The following KIF17 variants were observed in gnomAD, a reference collection of about 807,000 sequenced individuals.
KIF17 encodes kinesin-like protein KIF17.
In KIF17, 80 loss-of-function variants were observed where a neutral mutation model predicts 96.8. The observed-to-expected ratio is 0.83, with a 90% CI of 0.69 to 1.00. The LOEUF (loss-of-function observed/expected upper bound fraction) is 1.00, where lower values mean the gene tolerates loss of function less well. Among genes scored for constraint, KIF17 ranks in the 50% least tolerant of loss-of-function variants. The pLI, the probability that KIF17 is intolerant of heterozygous loss-of-function variation, is 0.00. For synonymous variants in KIF17, 567 were observed against 587.5 expected (o/e 0.97, Z 0.51); for missense variants, 1,280 against 1,372.9 (o/e 0.93, Z 1.07).
At chr1:20,684,414 C>T (rs1480455055) in intron 10 of KIF17, among the ~76,000 whole-genome samples, 6 of 152,244 alleles carry the variant, frequency 3.9e-5, no homozygotes, top group Admixed American at 2.0e-4. Context: ...CAAAGCCACA[C>T]GGCAAGTGAG....
intron 6 of KIF17, among the ~76,000 whole-genome samples, chr1:20,690,747 C>T (rs899749177): frequency 5.3e-5 from 8 of 151,232 alleles, no homozygotes; most frequent in African/African-American, 1.2e-4. Context: ...AGTGCAGTGG[C>T]GCCATCTCGG....
chr1:20,687,832 G>C lies in KIF17; in HGVS notation c.1494C>G (p.Pro498=). The C allele has an allele frequency of 2.5e-6, 4 of 1,614,134 alleles. No individual in the cohort carries two copies. The highest frequency in any genetic ancestry group is 3.4e-6 in the Non-Finnish European group (4 of 1,180,024). The change falls in exon 8 of 15, where the codon CCC becomes CCG. Residue 498 remains proline (P), a synonymous_variant. Coordinates refer to ENST00000400463, the MANE Select transcript of KIF17 (RefSeq NM_001122819.3). The surrounding 1 kb of genome is among the most constrained non-coding windows in gnomAD (Gnocchi z 4.4). The part of the protein sequence containing the change: ...PAFQYETVVK[P]KVFSTTDTLP... ...GAGTGTCAGTCGTGGAGAAGACCTT[G>C]GGTTTCACCACTGTCTCATACTGAA...
intron 3 of KIF17, among the ~76,000 whole-genome samples, chr1:20,712,456 G>A (rs1024880107): frequency 2.1e-5 from 3 of 144,808 alleles, no homozygotes; most frequent in East Asian, 3.9e-4. Context: ...CCCAGCTACC[G>A]GGGGCGCTGA....
intron 1 of KIF17, among the ~76,000 whole-genome samples, chr1:20,716,579 T>G (rs1488530241): frequency 6.6e-6 from 1 of 152,092 alleles, no homozygotes; most frequent in East Asian, 1.9e-4. Flanking sequence ...GGAGTGGGGC[T>G]CGTACTTTGC....
chr1:20,703,953 A>G (rs1410930341), intron 5 of KIF17, among the ~76,000 whole-genome samples: 1 of 150,978 alleles, frequency 6.6e-6, no homozygotes, highest in Admixed American at 6.6e-5. Context: ...AGAGTCCTTC[A>G]GTTCCAAAGC....
rs956010320 is a variant in KIF17 at position 20,707,964 on chromosome 1, G to C, written c.670+1675C>G. On this transcript the variant is annotated intron_variant, in intron 4 of 14. Transcript: ENST00000400463. Reference sequence around the variant, plus strand: ...AAATGTTAGTGGTATTTAGGTGTCAGAACTATGAGTAACTGTTCCCTACCA... The same window carrying C: ...AAATGTTAGTGGTATTTAGGTGTCACAACTATGAGTAACTGTTCCCTACCA... Among the ~76,000 whole-genome samples the C allele has an allele frequency of 2.6e-5, 4 of 151,608 alleles. No homozygotes were observed. The South Asian group carries it at 8.3e-4, about 32-fold the overall frequency.
chr1:20,712,890 G>T (rs1418318266), intron 3 of KIF17, among the ~76,000 whole-genome samples: 36 of 82,568 alleles, frequency 4.4e-4, no homozygotes, highest in Non-Finnish European at 5.8e-4. Context: ...ATATAATATA[G>T]ATAATATTAT....
At chr1:20,683,981 G>A (rs1046729590) in intron 10 of KIF17, among the ~76,000 whole-genome samples, 8 of 152,262 alleles carry the variant, frequency 5.3e-5, no homozygotes, top group Non-Finnish European at 7.3e-5. Flanking sequence ...TGTTTACTGC[G>A]TGCCCAGCGC....
intron 3 of KIF17, among the ~76,000 whole-genome samples, chr1:20,711,054 T>C (rs1245534216): frequency 6.6e-6 from 1 of 152,132 alleles, no homozygotes; most frequent in African/African-American, 2.4e-5. Flanking sequence ...GAGGGCACCT[T>C]GTTCTGTGAC....
intron 10 of KIF17, among the ~76,000 whole-genome samples, chr1:20,684,331 C>A (rs581635): frequency 6.6e-6 from 1 of 152,078 alleles, no homozygotes; most frequent in Admixed American, 6.5e-5. Flanking sequence ...TGGATGACCA[C>A]GACATGGAGG....
chr1:20,663,440 C>A (rs1217627882), downstream of KIF17, among the ~76,000 whole-genome samples: 1 of 152,176 alleles, frequency 6.6e-6, no homozygotes, highest in Non-Finnish European at 1.5e-5. Flanking sequence ...ACACAGAGCA[C>A]CTGCTATGCC....
chr1:20,680,956 T>A (rs1380270741), intron 11 of KIF17, among the ~76,000 whole-genome samples: 1 of 151,540 alleles, frequency 6.6e-6, no homozygotes, highest in African/African-American at 2.4e-5. Context: ...ACCCCGTCTC[T>A]ACTAAAAAAA....
chr1:20,671,538 T>G (rs1166175286), intron 12 of KIF17, among the ~76,000 whole-genome samples: 1 of 152,072 alleles, frequency 6.6e-6, no homozygotes, highest in African/African-American at 2.4e-5. Context: ...TTTCACCATG[T>G]TGGCCAGGCT....
At chr1:20,696,963 G>A (rs2054152973) in intron 6 of KIF17, among the ~76,000 whole-genome samples, 1 of 152,308 alleles carries the variant, frequency 6.6e-6, no homozygotes, top group Middle Eastern at 3.4e-3. Flanking sequence ...GCCCGCTGCC[G>A]AGCTCCAGAG....
rs556318045 is a variant in KIF17, at chr1:20,690,987, A to C, written c.1234-652T>G. Among the ~76,000 whole-genome samples, 12 of 151,380 alleles carry C rather than the reference A, an allele frequency of 7.9e-5. No individual in the cohort carries two copies. The East Asian group carries it at 2.4e-3, about 30-fold the overall frequency. On this transcript the variant is annotated intron_variant, in intron 6 of 14. Coordinates refer to ENST00000400463, the MANE Select transcript of KIF17 (RefSeq NM_001122819.3). ...CAGGCGTGAGACACCACGCCCGGCC[A>C]CCATCAGCTAATTTTTTAAAAAAAT... is the stretch of plus-strand genomic sequence containing the variant.
Position 20,708,667 on chromosome 1 carries a change from G to C in KIF17, c.670+972C>G, listed in dbSNP as rs550421111. Among the ~76,000 whole-genome samples the C allele has an allele frequency of 2.0e-5, 3 of 152,282 alleles. No individual in the cohort carries two copies. The South Asian group carries it at 6.2e-4, about 32-fold the overall frequency. On this transcript the variant is annotated intron_variant, in intron 4 of 14. Coordinates refer to ENST00000400463, the MANE Select transcript of KIF17 (RefSeq NM_001122819.3). ...CACCAATTAGCGGCGGTGAGACCTT[G>C]AACAAGCAAATCACTTTACCTCTCA...
In KIF17 at chr1:20,704,947, G is replaced by A; in HGVS notation, c.671-48C>T. 4 of 1,536,470 alleles carry A rather than the reference G, an allele frequency of 2.6e-6. No homozygotes were observed. Among genetic ancestry groups the A allele is most frequent in the Non-Finnish European group, 3.6e-6 (4 of 1,125,066 alleles). ...GGCGAGGGCCTCGGGTGAGCCCTAT[G>A]TATCGAGGGCAATCAGTGCCAGGCA... On this transcript the variant is annotated intron_variant, in intron 4 of 14. Coordinates refer to ENST00000400463, the MANE Select transcript of KIF17 (RefSeq NM_001122819.3). The surrounding 1 kb of genome is among the most constrained non-coding windows in gnomAD (Gnocchi z 6.8).
intron 5 of KIF17, among the ~76,000 whole-genome samples, chr1:20,702,643 A>G (rs745603204): frequency 6.6e-5 from 10 of 152,186 alleles, no homozygotes; most frequent in Non-Finnish European, 1.5e-4. Flanking sequence ...TAGTTCCCCA[A>G]ATGCACCTTA....
In KIF17 at chr1:20,684,884, T is replaced by C. The variant is rs1478893100; in HGVS notation, c.2156A>G (p.Glu719Gly). 1.3e-6 allele frequency: 2 copies of C among 1,598,140 alleles called. No individual in the cohort carries two copies. Among genetic ancestry groups the C allele is most frequent in the African/African-American group, 2.7e-5 (2 of 74,542 alleles). The change falls in exon 10 of 15, where the codon GAG (glutamate) becomes GGG (glycine). Residue 719 changes from glutamate (E) to glycine (G), a missense_variant. Physicochemically the swap from Glu to Gly is moderately conservative, Grantham distance 98 (BLOSUM62 -2). Coordinates refer to ENST00000400463, the MANE Select transcript of KIF17 (RefSeq NM_001122819.3). ...PLPATAGVKR[E>G]SVGMEVAVLT... Reference sequence around the variant, plus strand: ...CACTGCCACCTCCATGCCCACGCTCTCCCTCTTCACACCAGCTGTGGCCGG... The same window carrying C: ...CACTGCCACCTCCATGCCCACGCTCCCCCTCTTCACACCAGCTGTGGCCGG...
Sources: allele counts gnomAD v4.1 joint callset (sites outside exome capture counted in the v4.1 genomes callset), GRCh38; gene constraint gnomAD v4.1.1; non-coding constraint Gnocchi (gnomAD v3.1); transcripts MANE v1.5; gene names NCBI Gene and HGNC (gene_info 2026-07-23, HGNC 2026-07-21).